The following LECT2 variants were observed in gnomAD, a reference collection of about 807,000 sequenced individuals.
LECT2 encodes leukocyte cell-derived chemotaxin-2.
In LECT2, 11 loss-of-function variants were observed where a neutral mutation model predicts 16.6. That is an observed-to-expected ratio of 0.66 (90% CI 0.42 to 1.09). The LOEUF (loss-of-function observed/expected upper bound fraction) is 1.09, where lower values mean the gene tolerates loss of function less well. Ranked by LOEUF, LECT2 falls within the 50% of genes least tolerant of loss-of-function variation. The probability of loss-of-function intolerance (pLI) is 0.00; values close to 1 mark genes in which losing one functional copy is unlikely to be tolerated. For missense variants in LECT2, 173 were observed against 184.2 expected (o/e 0.94, Z 0.35); for synonymous variants, 54 against 64.8 (o/e 0.83, Z 0.80).
chr5:135,949,981 G>A (rs763761809), intron 3 of LECT2, among the ~76,000 whole-genome samples: 1 of 152,188 alleles, frequency 6.6e-6, no homozygotes, highest in Non-Finnish European at 1.5e-5. Context: ...CCACTACAGA[G>A]GACACAGTTC....
At chr5:135,948,673 A>G (rs1203836684) in intron 3 of LECT2, among the ~76,000 whole-genome samples, 2 of 147,986 alleles carry the variant, frequency 1.4e-5, no homozygotes, top group Non-Finnish European at 3.0e-5. Flanking sequence ...AATAATAATA[A>G]TTATTATTAT....
chr5:135,948,420 A>G (rs1387892375), intron 3 of LECT2, among the ~76,000 whole-genome samples: 1 of 152,162 alleles, frequency 6.6e-6, no homozygotes, highest in East Asian at 1.9e-4. Flanking sequence ...ATGCTGTCCA[A>G]TATGGTAGCC....
rs1269235637 is a variant in LECT2 at position 135,951,445 on chromosome 5, C to T, written c.144-77G>A. 3 of 1,352,452 alleles carry T rather than the reference C, an allele frequency of 2.2e-6. No individual in the cohort carries two copies. In the African/African-American group the frequency reaches 4.3e-5, roughly 20 times the overall value. 83.8% of individuals were successfully genotyped at this position (1,352,452 alleles called of 1,614,324 possible). A position where few individuals can be genotyped will look rare whatever the true frequency, so the allele number is the denominator to read the frequency against. Reference sequence around the variant, plus strand: ...TACTGCCTGGGAACATGGTGTTAGCCCACTGTTTGCAGACGAGGTACCAAA... The same window carrying T: ...TACTGCCTGGGAACATGGTGTTAGCTCACTGTTTGCAGACGAGGTACCAAA... On this transcript the variant is annotated intron_variant, in intron 2 of 3. Transcript: ENST00000274507.
At chr5:135,952,640 G>C (rs1763811401) in intron 2 of LECT2, among the ~76,000 whole-genome samples, 1 of 152,326 alleles carries the variant, frequency 6.6e-6, no homozygotes, top group Non-Finnish European at 1.5e-5. Flanking sequence ...GGAAAACATT[G>C]TGTTTGCTCC....
At chr5:135,948,085 C>G (rs1413186407) in intron 3 of LECT2, among the ~76,000 whole-genome samples, 2 of 149,260 alleles carry the variant, frequency 1.3e-5, no homozygotes, top group Non-Finnish European at 3.0e-5. Context: ...AAGAGCTGGA[C>G]AAAGATTTGC....
rs958973802 is a variant in LECT2, at chr5:135,947,249, A to G, written c.*82T>C. The G allele has an allele frequency of 1.3e-5, 18 of 1,347,708 alleles. No individual in the cohort carries two copies. In the African/African-American group the frequency reaches 2.5e-4, roughly 19 times the overall value. The allele number at this position is 1,347,708 out of a possible 1,614,324, so 83.5% of individuals were successfully genotyped here. ...CTTCATGCATTTTTCCTTTGTGAACACAAATTTCTTGAAGAGAAGGGTATG... is the reference window on the plus strand; with the variant it reads ...CTTCATGCATTTTTCCTTTGTGAACGCAAATTTCTTGAAGAGAAGGGTATG... On this transcript the variant is annotated 3_prime_UTR_variant, in exon 4 of 4. Transcript: ENST00000274507.
intron 2 of LECT2, chr5:135,951,572 A>G: frequency 2.0e-6 from 1 of 492,014 alleles, no homozygotes. Flanking sequence ...CATATCATAA[A>G]GATGAAAGCA....
intron 3 of LECT2, among the ~76,000 whole-genome samples, chr5:135,949,362 A>G (rs1763759570): frequency 1.3e-5 from 2 of 152,208 alleles, no homozygotes; most frequent in South Asian, 4.1e-4. Context: ...GTCAATTCCA[A>G]TTATGCATTC....
At chr5:135,951,157 T>C in intron 3 of LECT2, 66 bp downstream of exon 3, 2 of 1,441,724 alleles carry the variant, frequency 1.4e-6, no homozygotes, top group Non-Finnish European at 1.9e-6. Context: ...GTATGGAACC[T>C]GCATTAAATA....
intron 3 of LECT2, 75 bp from the exon 4 acceptor site, chr5:135,947,572 G>T: frequency 7.4e-7 from 1 of 1,356,442 alleles, no homozygotes; most frequent in East Asian, 2.5e-5. Context: ...ATAACAAATG[G>T]ACAAAAAATA....
chr5:135,952,502 G>A (rs1248437043), intron 2 of LECT2, among the ~76,000 whole-genome samples: 1 of 152,178 alleles, frequency 6.6e-6, no homozygotes, highest in Non-Finnish European at 1.5e-5. Flanking sequence ...CTCCAACTGT[G>A]CTTGGCAGGT....
At chr5:135,951,975 G>A (rs1561585761) in intron 2 of LECT2, among the ~76,000 whole-genome samples, 1 of 152,166 alleles carries the variant, frequency 6.6e-6, no homozygotes, top group Non-Finnish European at 1.5e-5. Flanking sequence ...CACTATGCCT[G>A]CTCTCACCAG....
intron 3 of LECT2, among the ~76,000 whole-genome samples, chr5:135,949,908 G>T (rs1188135926): frequency 1.3e-5 from 2 of 152,200 alleles, no homozygotes; most frequent in Non-Finnish European, 2.9e-5. Context: ...ACAAATCTCT[G>T]AGATTTAGAC....
chr5:135,951,246 T>G lies in LECT2; in HGVS notation c.266A>C (p.Asn89Thr). Residue 89 changes from asparagine (N) to threonine (T), a missense_variant, in exon 3 of 4, where the codon AAT becomes ACT. Asn to Thr is a moderately conservative substitution (Grantham distance 65). Transcript: ENST00000274507. Reference protein sequence around the residue: ...KPYQNKNAINNGVRISGRGFC... With the variant: ...KPYQNKNAINTGVRISGRGFC... ...ACCTCTTCCAGATATTCGAACACCA[T>G]TATTGATAGCATTCTTGTTTTGATA... The G allele has an allele frequency of 1.2e-6, 2 of 1,614,182 alleles. No homozygotes were observed. The highest frequency in any genetic ancestry group is 8.5e-7 in the Non-Finnish European group (1 of 1,180,012).
In LECT2 at chr5:135,947,324, C is replaced by G; in HGVS notation, c.*7G>C. On this transcript the variant is annotated 3_prime_UTR_variant, in exon 4 of 4. Coordinates refer to ENST00000274507, the MANE Select transcript of LECT2 (RefSeq NM_002302.3). Reference sequence around the variant, plus strand: ...TTATTTTGAAGATCTGACCATTGGCCTTCGATTTACAGGTATGCAGTAGGG... The same window carrying G: ...TTATTTTGAAGATCTGACCATTGGCGTTCGATTTACAGGTATGCAGTAGGG... The G allele has an allele frequency of 6.2e-7, 1 of 1,611,182 alleles. No individual in the cohort carries two copies. The highest frequency in any genetic ancestry group is 2.2e-5 in the East Asian group (1 of 44,846).
At chr5:135,954,171 C>A (rs956097831) in intron 1 of LECT2, among the ~76,000 whole-genome samples, 115 of 152,328 alleles carry the variant, frequency 7.5e-4, no homozygotes, top group Non-Finnish European at 3.2e-4. Context: ...AATACCTATC[C>A]TGTGAAGAGA....
rs369985386 is a variant in LECT2 at position 135,952,871 on chromosome 5, C to G, written c.143G>C (p.Arg48Thr). The G allele has an allele frequency of 8.7e-6, 14 of 1,610,820 alleles. No individual in the cohort carries two copies. In the African/African-American group the frequency reaches 1.7e-4, roughly 20 times the overall value. Reference protein sequence around the residue: ...RHGCGQYSAQRSQRPHQGVDI... With the variant: ...RHGCGQYSAQTSQRPHQGVDI... ...GGTGGGTGGTTGTGCAACTTCATACCTTTGAGCAGAGTACTGTCCACAGCC... is the reference window on the plus strand; with the variant it reads ...GGTGGGTGGTTGTGCAACTTCATACGTTTGAGCAGAGTACTGTCCACAGCC... Residue 48 changes from arginine (R) to threonine (T), a missense_variant and splice_region_variant, in exon 2 of 4, where the codon AGA (arginine) becomes ACA (threonine). By Grantham distance (71) the Arg-to-Thr change is moderately conservative. Coordinates refer to ENST00000274507, the MANE Select transcript of LECT2 (RefSeq NM_002302.3).
At chr5:135,951,155 C>T in intron 3 of LECT2, 68 bp downstream of exon 3, 1 of 1,430,356 alleles carries the variant, frequency 7.0e-7, no homozygotes, top group Non-Finnish European at 9.8e-7. Context: ...ACGTATGGAA[C>T]CTGCATTAAA....
In LECT2 at chr5:135,954,860, C is replaced by G. The variant is rs1430307666; in HGVS notation, c.-27G>C. 7.0e-6 allele frequency: 11 copies of G among 1,581,300 alleles called. No homozygotes were observed. The highest frequency in any genetic ancestry group is 9.6e-6 in the Non-Finnish European group (11 of 1,150,374). On this transcript the variant is annotated 5_prime_UTR_variant, in exon 1 of 4. Transcript: ENST00000274507. ...TGGTTTTACTTCCTTTAGTTTCTTC[C>G]TCTGATTAGAGTTGCCCCCACACTC...
Sources: gnomAD v4.1 joint callset for allele counts (sites outside exome capture counted in the v4.1 genomes callset) on GRCh38, gnomAD v4.1.1 for gene constraint, MANE v1.5 for transcripts, NCBI Gene and HGNC (gene_info 2026-07-23, HGNC 2026-07-21) for gene names.